The following OTUB2 variants were observed in gnomAD, a reference collection of about 807,000 sequenced individuals.
OTUB2 encodes OTU deubiquitinase, ubiquitin aldehyde binding 2.
Under a neutral mutation model 25.1 loss-of-function variants are expected in OTUB2, and 21 were observed. That is an observed-to-expected ratio of 0.84 (90% CI 0.59 to 1.21). OTUB2 has a LOEUF of 1.21. OTUB2 is among the 50% of genes most tolerant of loss of function. The probability of loss-of-function intolerance (pLI) is 0.00; values close to 1 mark genes in which losing one functional copy is unlikely to be tolerated. For synonymous variants in OTUB2, 122 were observed against 122.8 expected (o/e 0.99, Z 0.04); for missense variants, 283 against 298.0 (o/e 0.95, Z 0.37).
intron 1 of OTUB2, among the ~76,000 whole-genome samples, chr14:94,027,733 G>A (rs1224316519): frequency 1.3e-5 from 2 of 152,242 alleles, no homozygotes; most frequent in Non-Finnish European, 2.9e-5. Flanking sequence ...TCATGGCCTG[G>A]CACGATCTGG....
chr14:94,039,148 C>T (rs748436558), intron 3 of OTUB2, 67 bp downstream of exon 3: 62 of 1,270,620 alleles, frequency 4.9e-5, no homozygotes, highest in Non-Finnish European at 5.6e-5. Context: ...TCAAGTCTCT[C>T]GGAGGTTTTC....
intron 2 of OTUB2, among the ~76,000 whole-genome samples, chr14:94,037,826 A>G (rs1885085884): frequency 1.3e-5 from 2 of 152,238 alleles, no homozygotes; most frequent in South Asian, 4.1e-4. Flanking sequence ...ATGAGTGGCC[A>G]AGCTAGGATT....
chr14:94,026,796 G>A (rs1884871971), intron 1 of OTUB2, among the ~76,000 whole-genome samples: 1 of 152,186 alleles, frequency 6.6e-6, no homozygotes, highest in African/African-American at 2.4e-5. Flanking sequence ...CAGCGTGTCC[G>A]CCCCAGGTGG....
rs545716242 is a variant in OTUB2 at position 94,026,821 on chromosome 14, T to A, written c.3+281T>A. Among the ~76,000 whole-genome samples, 7 of 152,254 alleles carry A rather than the reference T, an allele frequency of 4.6e-5. No homozygotes were observed. In the South Asian group the frequency reaches 1.2e-3, roughly 27 times the overall value. ...GCCCCAGGTGGCCCGGGGCGCCGCC[T>A]CGACGGCGCTGGGTGGGCGCCCTCG... On this transcript the variant is annotated intron_variant, in intron 1 of 5. Coordinates refer to ENST00000203664, the MANE Select transcript of OTUB2 (RefSeq NM_023112.4).
Position 94,044,665 on chromosome 14 carries a change from C to T in OTUB2, c.383C>T (p.Ser128Leu). 7.4e-6 allele frequency: 12 copies of T among 1,614,204 alleles called. No homozygotes were observed. Among genetic ancestry groups the T allele is most frequent in the Non-Finnish European group, 9.3e-6 (11 of 1,180,044 alleles). Residue 128 changes from serine to leucine, a missense_variant, in exon 5 of 6, where the codon TCG becomes TTG. Physicochemically the swap from Ser to Leu is moderately radical, Grantham distance 145. Coordinates refer to ENST00000203664, the MANE Select transcript of OTUB2 (RefSeq NM_023112.4). ...LLKVFNDQSASDHIVQFLRLL... is the reference protein window; with the variant it reads ...LLKVFNDQSALDHIVQFLRLL... ...AAGGTGTTCAACGACCAGAGTGCCT[C>T]GGACCACATCGTGCAGTTCCTGCGC...
At chr14:94,033,372 C>A (rs965628411) in intron 1 of OTUB2, among the ~76,000 whole-genome samples, 5 of 152,188 alleles carry the variant, frequency 3.3e-5, no homozygotes, top group Admixed American at 3.3e-4. Flanking sequence ...CTCATTTTAA[C>A]TGTTGATGGC....
chr14:94,033,642 C>G (rs993922253), intron 1 of OTUB2, among the ~76,000 whole-genome samples: 1 of 152,296 alleles, frequency 6.6e-6, no homozygotes, highest in Middle Eastern at 3.4e-3. Flanking sequence ...AACAACAAGG[C>G]TTTTATACAG....
At chr14:94,037,512 A>G in intron 2 of OTUB2, 37 bp downstream of exon 2, 3 of 1,480,536 alleles carry the variant, frequency 2.0e-6, no homozygotes, top group Non-Finnish European at 2.8e-6. Flanking sequence ...ATCCGAAACT[A>G]AACAGGCTGG....
At chr14:94,041,084 C>A (rs1472182174) in intron 3 of OTUB2, among the ~76,000 whole-genome samples, 3 of 152,144 alleles carry the variant, frequency 2.0e-5, no homozygotes, top group Admixed American at 1.3e-4. Context: ...GGGGAGATGG[C>A]TGTGGCATGA....
intron 2 of OTUB2, among the ~76,000 whole-genome samples, chr14:94,038,358 C>G (rs1338737862): frequency 6.6e-6 from 1 of 152,212 alleles, no homozygotes; most frequent in African/African-American, 2.4e-5. Flanking sequence ...TCCCCACTGC[C>G]AGCTGGCCTC....
At chr14:94,030,977 T>C (rs553045611) in intron 1 of OTUB2, among the ~76,000 whole-genome samples, 3 of 152,222 alleles carry the variant, frequency 2.0e-5, no homozygotes, top group Non-Finnish European at 4.4e-5. Context: ...CCTCCAGCAC[T>C]GTCAGATCGC....
rs1484159357 is a variant in OTUB2 at position 94,046,384 on chromosome 14, TG to T, written c.*463del. On this transcript the variant is annotated 3_prime_UTR_variant, in exon 6 of 6. Transcript: ENST00000203664. Reference sequence around the variant, plus strand: ...TACAAAAGAGTCCAGTCCAGTCACTTGTTGGACTGGGCTCTGACAGATGGCC... The same window carrying T: ...TACAAAAGAGTCCAGTCCAGTCACTTTTGGACTGGGCTCTGACAGATGGCC... 2.1e-5 allele frequency: 4 copies of T among 188,878 alleles called. No individual in the cohort carries two copies. The highest frequency in any genetic ancestry group is 4.5e-5 in the Non-Finnish European group (4 of 88,554). 11.7% of individuals were successfully genotyped at this position (188,878 alleles called of 1,614,324 possible). A position where few individuals can be genotyped will look rare whatever the true frequency, so the allele number is the denominator to read the frequency against.
At chr14:94,033,939 A>T (rs1288737484) in intron 1 of OTUB2, among the ~76,000 whole-genome samples, 1 of 152,260 alleles carries the variant, frequency 6.6e-6, no homozygotes, top group East Asian at 1.9e-4. Flanking sequence ...AGACCAAAAC[A>T]TGTTAACTTT....
intron 5 of OTUB2, 58 bp downstream of exon 5, chr14:94,044,838 C>T: frequency 6.6e-7 from 1 of 1,519,596 alleles, no homozygotes; most frequent in Non-Finnish European, 8.9e-7. Context: ...CCCTGTCCTG[C>T]AGACTTCAGC....
rs770446104 is a variant in OTUB2 at position 94,044,774 on chromosome 14, C to G, written c.492C>G (p.Cys164Trp). 5 of 1,611,612 alleles carry G rather than the reference C, an allele frequency of 3.1e-6. No individual in the cohort carries two copies. The highest frequency in any genetic ancestry group is 4.2e-6 in the Non-Finnish European group (5 of 1,179,456). Residue 164 changes from cysteine to tryptophan, a missense_variant, in exon 5 of 6, where the codon TGC (cysteine) becomes TGG (tryptophan). Physicochemically the swap from Cys to Trp is radical, Grantham distance 215. Transcript: ENST00000203664. The part of the protein sequence containing the change: ...IDEEMDIKDF[C>W]THEVEPMATE... ...AGGAGATGGACATCAAAGACTTCTG[C>G]ACTCACGTAGGTGCTTGGGGTCTCA...
At chr14:94,039,661 C>G (rs1234772586) in intron 3 of OTUB2, among the ~76,000 whole-genome samples, 1 of 152,116 alleles carries the variant, frequency 6.6e-6, no homozygotes. Flanking sequence ...GGCTTGGACC[C>G]GAATTCCTGT....
chr14:94,030,176 G>A (rs1277714535), intron 1 of OTUB2, among the ~76,000 whole-genome samples: 4 of 152,186 alleles, frequency 2.6e-5, no homozygotes, highest in African/African-American at 4.8e-5. Flanking sequence ...GGGCTGGGAT[G>A]GGGGCAGGAG....
rs1885312531 is a variant in OTUB2 at position 94,047,963 on chromosome 14, A to C, written c.*2041A>C. On this transcript the variant is annotated 3_prime_UTR_variant, in exon 6 of 6. Coordinates refer to ENST00000203664, the MANE Select transcript of OTUB2 (RefSeq NM_023112.4). ...AGAATCAGGACACTCAAGCTCTGGC[A>C]GAGGAAGGCCAAGTTACTTTCATGG... The C allele has an allele frequency of 6.6e-6, 1 of 152,250 alleles. No homozygotes were observed. The highest frequency in any genetic ancestry group is 2.4e-5 in the African/African-American group (1 of 41,454). The allele number at this position is 152,250 out of a possible 1,614,324, so 9.4% of individuals were successfully genotyped here. A position where few individuals can be genotyped will look rare whatever the true frequency, so the allele number is the denominator to read the frequency against.
In OTUB2 at chr14:94,044,787, G is replaced by A. The variant is rs2141415106; in HGVS notation, c.498+7G>A. On this transcript the variant is annotated splice_region_variant and intron_variant, in intron 5 of 5. Transcript: ENST00000203664. ...CAAAGACTTCTGCACTCACGTAGGT[G>A]CTTGGGGTCTCAGCCCCAGCCCTGG... The A allele has an allele frequency of 6.2e-7, 1 of 1,606,662 alleles. No homozygotes were observed. The highest frequency in any genetic ancestry group is 8.5e-7 in the Non-Finnish European group (1 of 1,176,916).
Sources: gnomAD v4.1 joint callset for allele counts (sites outside exome capture counted in the v4.1 genomes callset) on GRCh38, gnomAD v4.1.1 for gene constraint, MANE v1.5 for transcripts, NCBI Gene and HGNC (gene_info 2026-07-23, HGNC 2026-07-21) for gene names.